WDR12: variants seen among roughly 807,000 people sequenced by gnomAD.
WDR12 encodes the protein ribosome biogenesis protein WDR12.
Under a neutral mutation model 64.3 loss-of-function variants are expected in WDR12, and 42 were observed. The ratio of observed to expected loss-of-function variants is 0.65; its 90% CI spans 0.51 to 0.84. The LOEUF is 0.84. Ranked by LOEUF, WDR12 falls within the 40% of genes least tolerant of loss-of-function variation. The pLI is 0.00. For synonymous variants in WDR12, 158 were observed against 173.3 expected (o/e 0.91, Z 0.70); for missense variants, 469 against 494.6 (o/e 0.95, Z 0.49).
rs148387073 is a variant in WDR12, at chr2:202,893,684, T to C, written c.655+897A>G. Among the ~76,000 whole-genome samples the C allele has an allele frequency of 3.1e-3, 478 of 152,294 alleles. 2 individuals carry two copies. The highest frequency in any genetic ancestry group is 5.1e-3 in the Non-Finnish European group (347 of 68,014). ...AGAGGTATTCTGATTTGTTTACCTA[T>C]GCAATAAATAGTTGTAGCTACTAGG... On this transcript the variant is annotated intron_variant, in intron 7 of 12. Coordinates refer to ENST00000261015, the MANE Select transcript of WDR12 (RefSeq NM_018256.4).
In WDR12 at chr2:202,877,249, A is replaced by C. The variant is rs540899640; in HGVS notation, c.*3611T>G. ...ATGCATTGTTGACAACAGTTCCAAA[A>C]TGGTAATTCCAAATTCAAAGGAAAA... On this transcript the variant is annotated 3_prime_UTR_variant, in exon 13 of 13. Coordinates refer to ENST00000261015, the MANE Select transcript of WDR12 (RefSeq NM_018256.4). The C allele has an allele frequency of 2.6e-5, 4 of 151,866 alleles. 1 individual carries two copies. Among genetic ancestry groups the C allele is most frequent in the Admixed American group, 2.6e-4 (4 of 15,192 alleles). The allele number at this position is 151,866 out of a possible 1,614,324, so 9.4% of individuals were successfully genotyped here.
At chr2:202,905,704 T>C (rs1688445223) in intron 2 of WDR12, among the ~76,000 whole-genome samples, 2 of 152,206 alleles carry the variant, frequency 1.3e-5, no homozygotes, top group South Asian at 4.1e-4. Context: ...AAGAATGAGA[T>C]CCTGTCATTT....
intron 8 of WDR12, among the ~76,000 whole-genome samples, chr2:202,891,942 G>C (rs1005065096): frequency 2.0e-5 from 3 of 152,162 alleles, no homozygotes; most frequent in Non-Finnish European, 2.9e-5. Context: ...TGGTCCAAGG[G>C]CACAAACTTT....
At position 202,911,583 on chromosome 2, in the gene WDR12, GC is replaced by G; in HGVS notation, c.-108del. ...CAAAGAGGCAGCTCAAAATTAGACT[GC>G]ACAGGTAAGCGAGGAACTGCAGTCT... On this transcript the variant is annotated 5_prime_UTR_variant, in exon 1 of 13. Transcript: ENST00000261015. 9.8e-7 allele frequency: 1 copy of G among 1,020,502 alleles called. No individual in the cohort carries two copies. Among genetic ancestry groups the G allele is most frequent in the Non-Finnish European group, 1.5e-6 (1 of 646,068 alleles). The allele number at this position is 1,020,502 out of a possible 1,614,324, so 63.2% of individuals were successfully genotyped here.
At chr2:202,892,457 T>C (rs1443486016) in intron 8 of WDR12, among the ~76,000 whole-genome samples, 160 bp downstream of exon 8, 1 of 152,204 alleles carries the variant, frequency 6.6e-6, no homozygotes, top group East Asian at 1.9e-4. Context: ...ATACTTTGCT[T>C]ATAATAAAAA....
chr2:202,908,887 A>C (rs1443087594), intron 1 of WDR12, among the ~76,000 whole-genome samples: 1 of 152,204 alleles, frequency 6.6e-6, no homozygotes, highest in Non-Finnish European at 1.5e-5. Context: ...GAACACTTAC[A>C]ACTCAATAAT....
intron 3 of WDR12, among the ~76,000 whole-genome samples, chr2:202,900,111 C>T (rs1331112630): frequency 1.3e-5 from 2 of 152,230 alleles, no homozygotes; most frequent in East Asian, 3.9e-4. Context: ...GGGTGGATCA[C>T]CTAAGATCAG....
At chr2:202,900,987 C>T in intron 3 of WDR12, 38 bp downstream of exon 3, 1 of 1,512,058 alleles carries the variant, frequency 6.6e-7, no homozygotes. Context: ...GCCGATAATG[C>T]CTCAAGTGAA....
intron 5 of WDR12, 133 bp from the exon 6 acceptor site, chr2:202,896,352 G>T: frequency 1.1e-6 from 1 of 948,672 alleles, no homozygotes; most frequent in Non-Finnish European, 1.5e-6. Flanking sequence ...CATATGGCCA[G>T]GTTTTAAAAG....
chr2:202,892,043 C>T (rs1255521019), intron 8 of WDR12, among the ~76,000 whole-genome samples: 1 of 152,144 alleles, frequency 6.6e-6, no homozygotes, highest in Non-Finnish European at 1.5e-5. Context: ...AATCATTACA[C>T]AATGTTTATG....
In WDR12 at chr2:202,910,169, A is replaced by T. The variant is rs370890235; in HGVS notation, c.41+1267T>A. ...ACACACACACATATGACATGTATCC[A>T]TTCATTTCAGGGGTTAAAACACAGT... is the stretch of plus-strand genomic sequence containing the variant. On this transcript the variant is annotated intron_variant, in intron 1 of 12. Transcript: ENST00000261015. Among the ~76,000 whole-genome samples, 6 of 152,190 alleles carry T rather than the reference A, an allele frequency of 3.9e-5. No homozygotes were observed. In the South Asian group the frequency reaches 1.0e-3, roughly 26 times the overall value.
rs752079816 is a variant in WDR12 at position 202,899,405 on chromosome 2, C to G, written c.338+126G>C. The G allele has an allele frequency of 7.3e-6, 6 of 821,628 alleles. No homozygotes were observed. The African/African-American group carries it at 1.0e-4, about 14-fold the overall frequency. The allele number at this position is 821,628 out of a possible 1,614,324, so 50.9% of individuals were successfully genotyped here. ...TTTCTGTTTGCCATGGCCACTGATACAGAGATCACAAAATTAATTTACAAA... is the reference window on the plus strand; with the variant it reads ...TTTCTGTTTGCCATGGCCACTGATAGAGAGATCACAAAATTAATTTACAAA... On this transcript the variant is annotated intron_variant, in intron 4 of 12. Transcript: ENST00000261015.
chr2:202,887,684 C>T (rs1470460763), intron 8 of WDR12, among the ~76,000 whole-genome samples: 2 of 149,984 alleles, frequency 1.3e-5, no homozygotes, highest in Non-Finnish European at 3.0e-5. Flanking sequence ...GTCAGGAGAT[C>T]GAGACCATCC....
chr2:202,907,835 C>T lies in WDR12; in HGVS notation c.136+30G>A, dbSNP rs200337363. 3.2e-6 allele frequency: 5 copies of T among 1,540,274 alleles called. No homozygotes were observed. The East Asian group carries it at 1.1e-4, about 35-fold the overall frequency. ...ATGCATTTTAGAATAATTAGGGACA[C>T]TGTGCCCTCTCCTAAGCATATATAC... On this transcript the variant is annotated intron_variant, in intron 2 of 12. Transcript: ENST00000261015.
intron 6 of WDR12, 115 bp downstream of exon 6, chr2:202,895,950 T>C: frequency 8.2e-7 from 1 of 1,216,004 alleles, no homozygotes; most frequent in Non-Finnish European, 1.1e-6. Flanking sequence ...TCCTATCTTT[T>C]GTCACCGATT....
At chr2:202,885,252 C>T (rs377135517) in intron 8 of WDR12, among the ~76,000 whole-genome samples, 1 of 152,198 alleles carries the variant, frequency 6.6e-6, no homozygotes, top group East Asian at 1.9e-4. Context: ...AATGGATCCT[C>T]GGCTTCTGTT....
intron 2 of WDR12, among the ~76,000 whole-genome samples, chr2:202,907,590 T>A (rs1479795034): frequency 6.6e-6 from 1 of 152,208 alleles, no homozygotes; most frequent in Admixed American, 6.5e-5. Flanking sequence ...TACCTCTATA[T>A]TACAACTTTA....
chr2:202,896,847 C>A (rs1005438831), intron 5 of WDR12, among the ~76,000 whole-genome samples: 5 of 150,788 alleles, frequency 3.3e-5, no homozygotes, highest in Non-Finnish European at 7.4e-5. Flanking sequence ...ATTAGCCAGG[C>A]GTGATGGTAG....
At chr2:202,897,904 A>AT (rs1488448623) in intron 4 of WDR12, among the ~76,000 whole-genome samples, 4,395 of 43,950 alleles carry the variant, frequency 0.1, 81 homozygotes, top group African/African-American at 0.15. Context: ...AAAAAAAAAA[A>AT]AAAAATATAT....
Sources: gnomAD v4.1 joint callset for allele counts (sites outside exome capture counted in the v4.1 genomes callset) on GRCh38, gnomAD v4.1.1 for gene constraint, MANE v1.5 for transcripts, NCBI Gene and HGNC (gene_info 2026-07-23, HGNC 2026-07-21) for gene names.